DNER: variants seen among roughly 807,000 people sequenced by gnomAD.
DNER encodes delta and Notch-like epidermal growth factor-related receptor.
A neutral mutation model predicts 78.2 loss-of-function variants in DNER; 33 were observed. The ratio of observed to expected loss-of-function variants is 0.42; its 90% CI spans 0.32 to 0.56. DNER has a LOEUF of 0.56. Among genes scored for constraint, DNER ranks in the 20% least tolerant of loss-of-function variants. The pLI is 0.11. For missense variants in DNER, 918 were observed against 975.3 expected, an observed-to-expected ratio of 0.94 and a Z score of 0.78; for synonymous variants, 417 against 384.8, an observed-to-expected ratio of 1.08 and a Z score of -0.98.
At chr2:229,664,304 T>G (rs1342512501) in intron 1 of DNER, among the ~76,000 whole-genome samples, 1 of 151,722 alleles carries the variant, frequency 6.6e-6, no homozygotes. Context: ...TGGGCCATTT[T>G]GCATCCACCA....
chr2:229,466,388 C>A (rs978829257), intron 7 of DNER, among the ~76,000 whole-genome samples: 4 of 152,168 alleles, frequency 2.6e-5, no homozygotes, highest in African/African-American at 9.7e-5. Context: ...CCTCTGCCTG[C>A]AGCCCTACTC....
chr2:229,581,703 A>G (rs1297348140), intron 4 of DNER, among the ~76,000 whole-genome samples: 1 of 152,216 alleles, frequency 6.6e-6, no homozygotes, highest in African/African-American at 2.4e-5. Flanking sequence ...AGCCAAATGT[A>G]AGTATATTCT....
At chr2:229,422,860 G>C (rs1693796318) in intron 8 of DNER, among the ~76,000 whole-genome samples, 1 of 152,142 alleles carries the variant, frequency 6.6e-6, no homozygotes, top group Admixed American at 6.5e-5. Context: ...TCAAGACACT[G>C]GACAAGGATT....
At chr2:229,631,926 C>G (rs544598630) in intron 1 of DNER, among the ~76,000 whole-genome samples, 10 of 152,324 alleles carry the variant, frequency 6.6e-5, no homozygotes, top group Non-Finnish European at 1.3e-4. Context: ...GCTCAAATGT[C>G]AGCGAGAATT....
intron 11 of DNER, among the ~76,000 whole-genome samples, chr2:229,383,777 A>C (rs1206688498): frequency 6.6e-6 from 1 of 151,964 alleles, no homozygotes; most frequent in Non-Finnish European, 1.5e-5. Flanking sequence ...TTAGAGACCT[A>C]AAAAGAGAAT....
At chr2:229,688,192 A>G (rs1255073560) in intron 1 of DNER, among the ~76,000 whole-genome samples, 2 of 152,232 alleles carry the variant, frequency 1.3e-5, no homozygotes, top group African/African-American at 4.8e-5. Context: ...GCCCACAGGG[A>G]CACAGTCAGT....
chr2:229,531,898 C>A (rs960446232), intron 5 of DNER, among the ~76,000 whole-genome samples: 2 of 152,090 alleles, frequency 1.3e-5, no homozygotes, highest in African/African-American at 4.8e-5. Context: ...AAGAAGCAGA[C>A]ACAAAAGGTC....
At chr2:229,505,449 G>A (rs1695719047) in intron 6 of DNER, among the ~76,000 whole-genome samples, 1 of 152,118 alleles carries the variant, frequency 6.6e-6, no homozygotes, top group African/African-American at 2.4e-5. Context: ...ATAAAAAAGA[G>A]TAGAGCCGGG....
intron 1 of DNER, among the ~76,000 whole-genome samples, chr2:229,660,146 AG>A (rs1698984642): frequency 6.6e-6 from 1 of 152,128 alleles, no homozygotes; most frequent in Non-Finnish European, 1.5e-5. Flanking sequence ...TTTTAAGTTC[AG>A]GAGGACACGT....
intron 5 of DNER, among the ~76,000 whole-genome samples, chr2:229,536,645 G>A (rs56754501): frequency 0.04 from 6,038 of 152,238 alleles, 144 homozygotes; most frequent in Middle Eastern, 0.068. Flanking sequence ...GCTCCAAAGC[G>A]ATCATTTTCT....
chr2:229,468,336 G>A (rs1328884517), intron 7 of DNER, among the ~76,000 whole-genome samples: 2 of 152,220 alleles, frequency 1.3e-5, no homozygotes, highest in South Asian at 2.1e-4. Flanking sequence ...GGGGGGTCAT[G>A]CAGCCTCTGG....
chr2:229,652,631 A>G (rs1574944179), intron 1 of DNER, among the ~76,000 whole-genome samples: 1 of 152,256 alleles, frequency 6.6e-6, no homozygotes, highest in East Asian at 1.9e-4. Context: ...TGTCCACCCT[A>G]GAGACAGAAG....
intron 8 of DNER, among the ~76,000 whole-genome samples, chr2:229,420,543 T>C (rs576877899): frequency 6.6e-6 from 1 of 152,330 alleles, no homozygotes; most frequent in East Asian, 1.9e-4. Context: ...TCTAGAAGTT[T>C]TATACTTCCA....
At chr2:229,553,522 G>A (rs977067230) in intron 4 of DNER, among the ~76,000 whole-genome samples, 1 of 152,124 alleles carries the variant, frequency 6.6e-6, no homozygotes, top group Non-Finnish European at 1.5e-5. Flanking sequence ...GACCCAAAAT[G>A]GAACAAACCA....
chr2:229,549,156 C>T (rs929129492), intron 4 of DNER, among the ~76,000 whole-genome samples: 1 of 152,122 alleles, frequency 6.6e-6, no homozygotes, highest in Non-Finnish European at 1.5e-5. Flanking sequence ...ACACCAAATT[C>T]AGGAAAAGGA....
At chr2:229,376,539 G>A (rs1447889418) in intron 11 of DNER, among the ~76,000 whole-genome samples, 1 of 152,148 alleles carries the variant, frequency 6.6e-6, no homozygotes, top group Non-Finnish European at 1.5e-5. Context: ...CCCCTCAAAT[G>A]TATTATCTAT....
chr2:229,522,984 G>A (rs1298729218), intron 5 of DNER, among the ~76,000 whole-genome samples: 10 of 152,310 alleles, frequency 6.6e-5, no homozygotes, highest in African/African-American at 2.4e-4. Context: ...GAGGCAGAGG[G>A]GCTCAGATTG....
chr2:229,669,387 T>TAA (rs935701694), intron 1 of DNER, among the ~76,000 whole-genome samples: 5 of 150,942 alleles, frequency 3.3e-5, no homozygotes, highest in African/African-American at 9.8e-5. Flanking sequence ...TATATATATA[T>TAA]AAAAGAATGT....
intron 4 of DNER, among the ~76,000 whole-genome samples, chr2:229,578,451 C>T (rs1697339868): frequency 6.6e-6 from 1 of 152,148 alleles, no homozygotes; most frequent in Non-Finnish European, 1.5e-5. Flanking sequence ...ATGGCTGAGA[C>T]AAAGGAATAC....
Sources: allele counts gnomAD v4.1 joint callset (sites outside exome capture counted in the v4.1 genomes callset), GRCh38; gene constraint gnomAD v4.1.1; transcripts MANE v1.5; gene names NCBI Gene and HGNC (gene_info 2026-07-23, HGNC 2026-07-21).